Variants in PRMT7 observed in about 807,000 individuals in gnomAD.
PRMT7 encodes protein arginine N-methyltransferase 7.
Under a neutral mutation model 85.4 loss-of-function variants are expected in PRMT7, and 75 were observed. The ratio of observed to expected loss-of-function variants is 0.88; its 90% CI spans 0.73 to 1.06. PRMT7 has a LOEUF of 1.06. PRMT7 is among the 50% of genes least tolerant of loss of function. PRMT7 has a pLI of 0.00. For missense variants in PRMT7, 868 were observed against 915.2 expected, an observed-to-expected ratio of 0.95 and a Z score of 0.67; for synonymous variants, 397 against 359.5, an observed-to-expected ratio of 1.10 and a Z score of -1.18.
downstream of PRMT7, chr16:68,360,238 G>T (rs2089170925): frequency 6.6e-6 from 1 of 152,500 alleles, no homozygotes; most frequent in South Asian, 2.1e-4. Context: ...GAGAGGATTG[G>T]CAGAAAGAAG....
chr16:68,339,222 C>G (rs1939834924), intron 7 of PRMT7, 100 bp from the exon 8 acceptor site: 1 of 1,508,768 alleles, frequency 6.6e-7, no homozygotes, highest in Non-Finnish European at 9.0e-7. Flanking sequence ...CATTACTGAA[C>G]CAACCTAATG....
chr16:68,315,539 T>C (rs2151335322), intron 2 of PRMT7: 1 of 211,896 alleles, frequency 4.7e-6, no homozygotes, highest in East Asian at 1.7e-4. Context: ...GGCACTTCTT[T>C]AACAGTACCC....
chr16:68,334,347 C>T (rs983979677), intron 6 of PRMT7, among the ~76,000 whole-genome samples: 3 of 152,184 alleles, frequency 2.0e-5, no homozygotes, highest in Admixed American at 6.5e-5. Flanking sequence ...CAAGTGGCTT[C>T]CTCATTGCCA....
chr16:68,356,777 C>T lies in PRMT7; in HGVS notation c.1888C>T (p.Leu630=). The T allele has an allele frequency of 1.2e-6, 2 of 1,609,866 alleles. No individual in the cohort carries two copies. The highest frequency in any genetic ancestry group is 1.7e-6 in the Non-Finnish European group (2 of 1,179,400). ...TPECTLSTGL[L]EPADPEGGCC... ...GGAGTGCACGCTCAGCACTGGCCTC[C>T]TGGAGCCTGCAGACCCCGAGGTAGT... Residue 630 remains leucine, a synonymous_variant, in exon 18 of 19, where the codon CTG becomes TTG. Coordinates refer to ENST00000441236, the MANE Select transcript of PRMT7 (RefSeq NM_019023.5).
intron 4 of PRMT7, 149 bp downstream of exon 4, chr16:68,321,611 C>G: frequency 1.5e-6 from 1 of 658,246 alleles, no homozygotes; most frequent in South Asian, 2.5e-5. Flanking sequence ...GAGACTGGGT[C>G]CTACTTCTGG....
chr16:68,355,953 G>A, intron 17 of PRMT7, 70 bp downstream of exon 17: 2 of 1,421,526 alleles, frequency 1.4e-6, no homozygotes, highest in Non-Finnish European at 1.9e-6. Context: ...CCCCCGTGGT[G>A]AGCACAGCTG....
At chr16:68,322,777 A>C (rs2082647575) in intron 4 of PRMT7, among the ~76,000 whole-genome samples, 1 of 152,108 alleles carries the variant, frequency 6.6e-6, no homozygotes, top group South Asian at 2.1e-4. Flanking sequence ...TCATGCCTGT[A>C]ATCCCAGCAC....
chr16:68,325,148 A>G (rs1049155576), intron 5 of PRMT7, among the ~76,000 whole-genome samples: 5 of 151,778 alleles, frequency 3.3e-5, no homozygotes, highest in Non-Finnish European at 7.4e-5. Flanking sequence ...GCTTGAGCCC[A>G]GGAGTTTGAG....
intron 7 of PRMT7, 82 bp downstream of exon 7, chr16:68,337,653 C>A: frequency 2.4e-6 from 2 of 846,728 alleles, no homozygotes; most frequent in Non-Finnish European, 3.6e-6. Context: ...GTGTCCCACA[C>A]AGCCCAAGCC....
chr16:68,347,496 C>A, intron 12 of PRMT7, 135 bp from the exon 13 acceptor site: 1 of 1,097,178 alleles, frequency 9.1e-7, no homozygotes, highest in Non-Finnish European at 1.3e-6. Context: ...TCAGGCTGCC[C>A]CAGGGAGGGA....
At chr16:68,328,797 C>A (rs527310578) in intron 5 of PRMT7, among the ~76,000 whole-genome samples, 1 of 152,118 alleles carries the variant, frequency 6.6e-6, no homozygotes, top group Non-Finnish European at 1.5e-5. Flanking sequence ...TCCTCTTGTG[C>A]GGTACTGACA....
At chr16:68,312,757 G>C (rs1419276005) in intron 2 of PRMT7, among the ~76,000 whole-genome samples, 1 of 152,236 alleles carries the variant, frequency 6.6e-6, no homozygotes, top group Non-Finnish European at 1.5e-5. Context: ...TTCAGCCAGA[G>C]AAGGTGTGTA....
At chr16:68,331,789 T>C (rs2083948237) in intron 6 of PRMT7, among the ~76,000 whole-genome samples, 1 of 152,244 alleles carries the variant, frequency 6.6e-6, no homozygotes, top group African/African-American at 2.4e-5. Context: ...TTTGATATTG[T>C]ATTTTTTAAT....
intron 3 of PRMT7, among the ~76,000 whole-genome samples, chr16:68,319,646 A>G (rs1203502661): frequency 6.6e-6 from 1 of 150,548 alleles, no homozygotes; most frequent in Non-Finnish European, 1.5e-5. Flanking sequence ...CAAAGTGTGG[A>G]ATGTGGACCA....
chr16:68,347,324 G>A, intron 12 of PRMT7, 30 bp downstream of exon 12: 3 of 1,513,040 alleles, frequency 2.0e-6, no homozygotes, highest in East Asian at 2.5e-5. Flanking sequence ...TCAGCCTCCT[G>A]ATGTGGGCTT....
chr16:68,334,286 T>C lies in PRMT7; in HGVS notation c.392-3173T>C, dbSNP rs749435432. Among the ~76,000 whole-genome samples the C allele has an allele frequency of 4.6e-5, 7 of 152,216 alleles. 1 individual carries two copies. The highest frequency in any genetic ancestry group is 1.3e-4 in the Admixed American group (2 of 15,270). On this transcript the variant is annotated intron_variant, in intron 6 of 18. Transcript: ENST00000441236. ...AAAGTGAGTAGATTGTCAGTTGTGC[T>C]TCATCCATAATCCCTTGTAAATGTG...
At chr16:68,332,718 C>T (rs1340576065) in intron 6 of PRMT7, among the ~76,000 whole-genome samples, 1 of 152,174 alleles carries the variant, frequency 6.6e-6, no homozygotes, top group Non-Finnish European at 1.5e-5. Context: ...TTCCACTTCC[C>T]TGAACTCGTT....
intron 6 of PRMT7, among the ~76,000 whole-genome samples, chr16:68,332,102 C>G (rs1377914427): frequency 6.6e-6 from 1 of 152,198 alleles, no homozygotes; most frequent in African/African-American, 2.4e-5. Context: ...ACTTGCAGTT[C>G]AGATTGATCC....
At chr16:68,322,029 C>A (rs2082553684) in intron 4 of PRMT7, among the ~76,000 whole-genome samples, 1 of 151,770 alleles carries the variant, frequency 6.6e-6, no homozygotes, top group Admixed American at 6.6e-5. Flanking sequence ...CTCACTGCAG[C>A]CTCAGTCTCC....
Sources: allele counts gnomAD v4.1 joint callset (sites outside exome capture counted in the v4.1 genomes callset), GRCh38; gene constraint gnomAD v4.1.1; transcripts MANE v1.5; gene names NCBI Gene and HGNC (gene_info 2026-07-23, HGNC 2026-07-21).